The following STKLD1 variants were observed in gnomAD, a reference collection of about 807,000 sequenced individuals.
The protein encoded by STKLD1 is serine/threonine kinase like domain containing 1, also known as serine/threonine kinase-like domain-containing protein STKLD1.
Under a neutral mutation model 80.4 loss-of-function variants are expected in STKLD1, and 79 were observed. The ratio of observed to expected loss-of-function variants is 0.98; its 90% CI spans 0.82 to 1.19. The LOEUF is 1.19. Among genes scored for constraint, STKLD1 ranks in the 50% most tolerant of loss-of-function variants. The pLI is 0.00. For synonymous variants in STKLD1, 393 were observed against 357.6 expected (o/e 1.10, Z -1.12); for missense variants, 841 against 856.0 (o/e 0.98, Z 0.22).
intron 11 of STKLD1, among the ~76,000 whole-genome samples, chr9:133,399,914 G>T (rs923470112): frequency 6.7e-6 from 1 of 148,728 alleles, no homozygotes; most frequent in Admixed American, 6.7e-5. Context: ...GTCTTGCTTC[G>T]CTCCACACTC....
At chr9:133,405,077 T>G (rs1554778459) in intron 17 of STKLD1, 148 bp downstream of exon 17, 1 of 1,369,386 alleles carries the variant, frequency 7.3e-7, no homozygotes, top group Non-Finnish European at 9.9e-7. Context: ...TTTGGCATCT[T>G]CTGAGCACCA....
intron 1 of STKLD1, among the ~76,000 whole-genome samples, chr9:133,376,972 C>T (rs954563413): frequency 1.3e-5 from 2 of 152,162 alleles, no homozygotes; most frequent in African/African-American, 4.8e-5. Context: ...ATTCACAAAA[C>T]ACAAAAGGAA....
Position 133,390,194 on chromosome 9 carries a change from AACACACACACACAC to A in STKLD1, c.468-442_468-429del, listed in dbSNP as rs71378573. ...TTCAGCCTGGGCAACCCTGACTTAA[AACACACACACACAC>A]ACACACACACACACACACACACACA... On this transcript the variant is annotated intron_variant, in intron 6 of 17. Coordinates refer to ENST00000371957, the MANE Select transcript of STKLD1 (RefSeq NM_153710.5). The surrounding 1 kb of genome is among the most constrained non-coding windows in gnomAD (Gnocchi z 5.1). Among the ~76,000 whole-genome samples the A allele has an allele frequency of 0.054, 6,620 of 123,414 alleles. 233 individuals are homozygous for A. Among genetic ancestry groups the A allele is most frequent in the African/African-American group, 0.056 (1,764 of 31,400 alleles). 81.0% of individuals were successfully genotyped at this position (123,414 alleles called of 152,430 possible). A position where few individuals can be genotyped will look rare whatever the true frequency, so the allele number is the denominator to read the frequency against.
Position 133,384,126 on chromosome 9 carries a change from T to C in STKLD1, c.219+226T>C, listed in dbSNP as rs1027446407. 5.4e-6 allele frequency: 3 copies of C among 558,690 alleles called. 1 individual carries two copies. Among genetic ancestry groups the C allele is most frequent in the South Asian group, 4.2e-5 (2 of 47,178 alleles). 34.6% of individuals were successfully genotyped at this position (558,690 alleles called of 1,614,324 possible). On this transcript the variant is annotated intron_variant, in intron 3 of 17. Coordinates refer to ENST00000371957, the MANE Select transcript of STKLD1 (RefSeq NM_153710.5). The surrounding 1 kb of genome is among the most constrained non-coding windows in gnomAD (Gnocchi z 4.3). The stretch of plus-strand genomic sequence containing the variant: ...GCAGGTGCCGACAACTTAGAACATA[T>C]GTTCCCAGAGAACATAAAATTTAAA...
chr9:133,394,117 TC>T lies in STKLD1; in HGVS notation c.584-170del. ...GCTCCCGCTGATTGGGGCCTCTTCC[TC>T]CCCACAGTTAATATTCTCCACCTCT... On this transcript the variant is annotated intron_variant, in intron 7 of 17. Coordinates refer to ENST00000371957, the MANE Select transcript of STKLD1 (RefSeq NM_153710.5). The surrounding 1 kb of genome is among the most constrained non-coding windows in gnomAD (Gnocchi z 4.9). 1.6e-6 allele frequency: 1 copy of T among 638,942 alleles called. No individual in the cohort carries two copies. The highest frequency in any genetic ancestry group is 1.9e-5 in the South Asian group (1 of 52,562). The allele number at this position is 638,942 out of a possible 1,614,324, so 39.6% of individuals were successfully genotyped here.
At chr9:133,400,122 T>A (rs1313084832) in intron 11 of STKLD1, among the ~76,000 whole-genome samples, 2 of 152,156 alleles carry the variant, frequency 1.3e-5, no homozygotes, top group African/African-American at 4.8e-5. Context: ...AGGTTCAAAC[T>A]GCTGAAGAGC....
At chr9:133,382,958 G>A (rs918839210) in intron 2 of STKLD1, among the ~76,000 whole-genome samples, 163 of 145,858 alleles carry the variant, frequency 1.1e-3, no homozygotes, top group African/African-American at 4.1e-3. Flanking sequence ...TGTTGATGGT[G>A]TGATGGTGGT....
At chr9:133,376,619 G>A in intron 1 of STKLD1, 59 bp downstream of exon 1, 2 of 1,443,156 alleles carry the variant, frequency 1.4e-6, no homozygotes, top group Non-Finnish European at 1.9e-6. Context: ...CGCAACCCTG[G>A]AGCTACGGCC....
Position 133,390,668 on chromosome 9 carries a change from CT to C in STKLD1, c.468-12del, listed in dbSNP as rs1165199572. The C allele has an allele frequency of 1.2e-6, 2 of 1,610,536 alleles. No individual in the cohort carries two copies. The highest frequency in any genetic ancestry group is 3.3e-4 in the Middle Eastern group (2 of 6,052). On this transcript the variant is annotated splice_polypyrimidine_tract_variant and intron_variant, in intron 6 of 17. Coordinates refer to ENST00000371957, the MANE Select transcript of STKLD1 (RefSeq NM_153710.5). This position sits in a 1 kb window ranked among gnomAD's most constrained non-coding sequence, Gnocchi z 5.1. ...CCTTGGCATCCAGAGGCAAACCCAC[CT>C]CTTGGTTTCAGGAATCTCAAACCCT... is the stretch of plus-strand genomic sequence containing the variant.
At chr9:133,402,824 G>A (rs1838742184) in intron 13 of STKLD1, 54 bp from the exon 14 acceptor site, 1 of 1,566,552 alleles carries the variant, frequency 6.4e-7, no homozygotes, top group South Asian at 1.2e-5. Flanking sequence ...AACAGAGGCA[G>A]GAAGGCTTCC....
rs781949271 is a variant in STKLD1, at chr9:133,397,197, C to T, written c.900C>T (p.Ser300=). 1.2e-6 allele frequency: 2 copies of T among 1,613,992 alleles called. No individual in the cohort carries two copies. Among genetic ancestry groups the T allele is most frequent in the Non-Finnish European group, 1.7e-6 (2 of 1,180,022 alleles). The change falls in exon 10 of 18, where the codon TCC becomes TCT. Residue 300 remains serine, a synonymous_variant. Coordinates refer to ENST00000371957, the MANE Select transcript of STKLD1 (RefSeq NM_153710.5). ...DVVHITFLRG[S]FKSSCVSLTL... ...TGCACATCACCTTCTTGAGAGGCTC[C>T]TTCAAGTCCTCGTGCGTCTCTCTGA...
chr9:133,403,570 C>G, intron 14 of STKLD1, 130 bp from the exon 15 acceptor site: 2 of 1,184,852 alleles, frequency 1.7e-6, no homozygotes, highest in Non-Finnish European at 2.3e-6. Flanking sequence ...TCTCTGAGGA[C>G]AGTTGACCTT....
In STKLD1 at chr9:133,390,849, G is replaced by C. The variant is rs1305142899; in HGVS notation, c.583+53G>C. 8.4e-6 allele frequency: 12 copies of C among 1,420,626 alleles called. No individual in the cohort carries two copies. The African/African-American group carries it at 1.4e-4, about 17-fold the overall frequency. The allele number at this position is 1,420,626 out of a possible 1,614,324, so 88.0% of individuals were successfully genotyped here. On this transcript the variant is annotated intron_variant, in intron 7 of 17. Coordinates refer to ENST00000371957, the MANE Select transcript of STKLD1 (RefSeq NM_153710.5). This position sits in a 1 kb window ranked among gnomAD's most constrained non-coding sequence, Gnocchi z 5.1. Reference sequence around the variant, plus strand: ...AGAGGGGGTTGGCGCCTAGAATCCAGGCGGCGTTGGCCACTCTGGGTGCTG... The same window carrying C: ...AGAGGGGGTTGGCGCCTAGAATCCACGCGGCGTTGGCCACTCTGGGTGCTG...
chr9:133,401,279 C>T (rs2130686212), intron 12 of STKLD1, among the ~76,000 whole-genome samples: 1 of 152,066 alleles, frequency 6.6e-6, no homozygotes, highest in Non-Finnish European at 1.5e-5. Flanking sequence ...GCTGGGACTA[C>T]AGGCACCCAC....
In STKLD1 at chr9:133,404,045, T is replaced by A. The variant is rs1554778214; in HGVS notation, c.1729T>A (p.Ser577Thr). ...YRGLASLVKV[S>T]ELAAFKVVVQ... ...GGGACTGGCCAGCCTGGTGAAGGTG[T>A]CAGGTGAGCCTGGGGACAGGACGAG... The change falls in exon 16 of 18, where the codon TCA becomes ACA. Residue 577 changes from serine (S) to threonine (T), a missense_variant. Transcript: ENST00000371957. The A allele has an allele frequency of 1.2e-6, 2 of 1,601,296 alleles. No homozygotes were observed. The highest frequency in any genetic ancestry group is 2.2e-5 in the South Asian group (2 of 89,264).
chr9:133,405,250 AGAG>A lies in STKLD1; in HGVS notation c.1876_1878del (p.Glu626del), dbSNP rs1838822449. 1 of 1,600,060 alleles carries A rather than the reference AGAG, an allele frequency of 6.2e-7. No individual in the cohort carries two copies. Among genetic ancestry groups the A allele is most frequent in the Non-Finnish European group, 8.5e-7 (1 of 1,172,400 alleles). ...CTCAGGACCTTCCTGCTCCACCTGC[AGAG>A]GAGATCCTGCCGGAGCTGGTGTCCA... is the stretch of plus-strand genomic sequence containing the variant. On this transcript the variant is annotated splice_acceptor_variant and coding_sequence_variant, in exon 18 of 18. Coordinates refer to ENST00000371957, the MANE Select transcript of STKLD1 (RefSeq NM_153710.5). LOFTEE classifies it high-confidence loss of function.
At position 133,401,760 on chromosome 9, in the gene STKLD1, C is replaced by G. The variant is rs782387366; in HGVS notation, c.1221C>G (p.Ala407=). ...CAGCGCTGGTGCACCACCCGGAAGC[C>G]AAGGCTCCCTGCAACCAAGCCATCA... The part of the protein sequence containing the change: ...LGQALVHHPE[A]KAPCNQAITS... The change falls in exon 13 of 18, where the codon GCC becomes GCG. Residue 407 remains alanine, a synonymous_variant. Coordinates refer to ENST00000371957, the MANE Select transcript of STKLD1 (RefSeq NM_153710.5). 1.2e-6 allele frequency: 2 copies of G among 1,613,032 alleles called. No individual in the cohort carries two copies. Among genetic ancestry groups the G allele is most frequent in the Non-Finnish European group, 1.7e-6 (2 of 1,179,918 alleles).
At chr9:133,397,943 G>A in intron 10 of STKLD1, 29 bp from the exon 11 acceptor site, 1 of 1,601,276 alleles carries the variant, frequency 6.2e-7, no homozygotes, top group Non-Finnish European at 8.5e-7. Flanking sequence ...CCTCAGAAAG[G>A]TCCCTCCCCT....
In STKLD1 at chr9:133,397,167, C is replaced by G; in HGVS notation, c.870C>G (p.Asp290Glu). Reference sequence around the variant, plus strand: ...GCCCTCTCTGCTCCTCTGCTAGGGACGTGGTGCACATCACCTTCTTGAGAG... The same window carrying G: ...GCCCTCTCTGCTCCTCTGCTAGGGAGGTGGTGCACATCACCTTCTTGAGAG... ...IDPSDRITIK[D>E]VVHITFLRGS... is the part of the protein sequence containing the mutation. Residue 290 changes from aspartate to glutamate, a missense_variant, in exon 10 of 18, where the codon GAC becomes GAG. Asp to Glu is a conservative substitution (Grantham distance 45). Transcript: ENST00000371957. 2.5e-6 allele frequency: 4 copies of G among 1,613,926 alleles called. No individual in the cohort carries two copies. Among genetic ancestry groups the G allele is most frequent in the Non-Finnish European group, 3.4e-6 (4 of 1,180,016 alleles).
Sources: gnomAD v4.1 joint callset for allele counts (sites outside exome capture counted in the v4.1 genomes callset) on GRCh38, gnomAD v4.1.1 for gene constraint, Gnocchi (gnomAD v3.1) non-coding constraint, MANE v1.5 for transcripts, NCBI Gene and HGNC (gene_info 2026-07-23, HGNC 2026-07-21) for gene names.